Variants in VPS41 observed in about 807,000 individuals in gnomAD.
VPS41 encodes VPS41 subunit of HOPS complex.
VPS41 carries 85 observed loss-of-function variants against 130.9 expected under a neutral mutation model. The observed-to-expected ratio is 0.65, with a 90% CI of 0.55 to 0.78. The LOEUF is 0.78. Ranked by LOEUF, VPS41 falls within the 30% of genes least tolerant of loss-of-function variation. The pLI, the probability that VPS41 is intolerant of heterozygous loss-of-function variation, is 0.00. For missense variants in VPS41, 874 were observed against 1,018.7 expected, an observed-to-expected ratio of 0.86 and a Z score of 1.93; for synonymous variants, 335 against 332.9, an observed-to-expected ratio of 1.01 and a Z score of -0.07.
At chr7:38,868,252 T>C (rs1786270299) in intron 3 of VPS41, among the ~76,000 whole-genome samples, 1 of 152,220 alleles carries the variant, frequency 6.6e-6, no homozygotes, top group African/African-American at 2.4e-5. Context: ...GTCGATGGCA[T>C]TGCAGCCAAA....
chr7:38,735,918 G>A (rs933287678), intron 25 of VPS41, among the ~76,000 whole-genome samples: 3 of 152,060 alleles, frequency 2.0e-5, no homozygotes, highest in African/African-American at 7.2e-5. Flanking sequence ...GGAGGAACAG[G>A]GCAGGGGAGG....
chr7:38,885,452 A>T (rs1786704878), intron 2 of VPS41, among the ~76,000 whole-genome samples: 1 of 152,314 alleles, frequency 6.6e-6, no homozygotes, highest in African/African-American at 2.4e-5. Context: ...GAAAATGATC[A>T]CATTTCTGTA....
At chr7:38,733,604 C>T (rs983977437) in intron 25 of VPS41, among the ~76,000 whole-genome samples, 8 of 152,160 alleles carry the variant, frequency 5.3e-5, no homozygotes, top group African/African-American at 1.9e-4. Flanking sequence ...CCACTAAAAA[C>T]TTTCTCACCT....
At chr7:38,808,785 C>G (rs1784885005) in intron 7 of VPS41, among the ~76,000 whole-genome samples, 1 of 152,116 alleles carries the variant, frequency 6.6e-6, no homozygotes, top group Admixed American at 6.6e-5. Context: ...CACCAAAACC[C>G]CAGCTCCAAT....
rs1168798750 is a variant in VPS41 at position 38,842,394 on chromosome 7, A to G, written c.247-12066T>C. ...TCAGTCTTCTAAAAGCAAATTACACATGTTGCTACCCTGTTTAAAGTAAAT... is the reference window on the plus strand; with the variant it reads ...TCAGTCTTCTAAAAGCAAATTACACGTGTTGCTACCCTGTTTAAAGTAAAT... On this transcript the variant is annotated intron_variant, in intron 4 of 28. Transcript: ENST00000310301. Among the ~76,000 whole-genome samples the G allele has an allele frequency of 2.6e-5, 4 of 152,138 alleles. No individual in the cohort carries two copies. The East Asian group carries it at 5.8e-4, about 22-fold the overall frequency.
chr7:38,789,546 G>A (rs145262675), intron 10 of VPS41, among the ~76,000 whole-genome samples: 1 of 152,238 alleles, frequency 6.6e-6, no homozygotes, highest in Non-Finnish European at 1.5e-5. Flanking sequence ...ACAGATCCCC[G>A]TGATCCACTG....
chr7:38,869,006 T>G, intron 3 of VPS41, 140 bp downstream of exon 3: 1 of 609,648 alleles, frequency 1.6e-6, no homozygotes, highest in East Asian at 2.7e-5. Flanking sequence ...GGGTTTTTTG[T>G]TGGCAAGGAG....
At chr7:38,786,385 A>T (rs532589365) in intron 10 of VPS41, among the ~76,000 whole-genome samples, 15 of 152,280 alleles carry the variant, frequency 9.9e-5, no homozygotes, top group African/African-American at 3.6e-4. Flanking sequence ...TATAAGGAAC[A>T]ATATATATTT....
At chr7:38,892,563 T>A (rs924503831) in intron 2 of VPS41, among the ~76,000 whole-genome samples, 1 of 152,208 alleles carries the variant, frequency 6.6e-6, no homozygotes, top group Non-Finnish European at 1.5e-5. Flanking sequence ...TAACAAGCAG[T>A]AACTTGTAGG....
intron 2 of VPS41, among the ~76,000 whole-genome samples, chr7:38,895,307 G>C (rs758650671): frequency 2.0e-5 from 3 of 151,754 alleles, no homozygotes; most frequent in Non-Finnish European, 4.4e-5. Context: ...TGGTGACAAA[G>C]CAAGACTTTG....
chr7:38,856,062 G>T (rs764504982), intron 4 of VPS41, among the ~76,000 whole-genome samples: 19 of 152,254 alleles, frequency 1.2e-4, no homozygotes, highest in Non-Finnish European at 2.6e-4. Context: ...CGGCAGGAAG[G>T]GGGAGGAAGG....
chr7:38,821,928 T>C (rs1488612406), intron 5 of VPS41, among the ~76,000 whole-genome samples: 2 of 152,106 alleles, frequency 1.3e-5, no homozygotes, highest in Non-Finnish European at 2.9e-5. Flanking sequence ...CTAAAGGAAC[T>C]ATTTTTTCAT....
At chr7:38,881,872 C>G (rs969708110) in intron 2 of VPS41, among the ~76,000 whole-genome samples, 2 of 152,054 alleles carry the variant, frequency 1.3e-5, no homozygotes, top group African/African-American at 4.8e-5. Context: ...GGTGCCTATC[C>G]TCACGAAAGT....
At chr7:38,845,457 G>T (rs1454065609) in intron 4 of VPS41, among the ~76,000 whole-genome samples, 2 of 152,192 alleles carry the variant, frequency 1.3e-5, no homozygotes, top group African/African-American at 4.8e-5. Context: ...GTCCCGTAGG[G>T]TGAGGTGGAT....
At chr7:38,834,784 T>C (rs1315734785) in intron 4 of VPS41, among the ~76,000 whole-genome samples, 2 of 151,698 alleles carry the variant, frequency 1.3e-5, no homozygotes, top group African/African-American at 4.9e-5. Flanking sequence ...TTTTTTTTCA[T>C]TTTTTTTCCA....
At chr7:38,879,902 A>G (rs1030190674) in intron 2 of VPS41, among the ~76,000 whole-genome samples, 1 of 151,550 alleles carries the variant, frequency 6.6e-6, no homozygotes, top group Non-Finnish European at 1.5e-5. Context: ...AAAAAAAAAA[A>G]AAAGAAAGAA....
chr7:38,738,718 A>G (rs1444391669), intron 25 of VPS41, among the ~76,000 whole-genome samples: 1 of 152,216 alleles, frequency 6.6e-6, no homozygotes, highest in Non-Finnish European at 1.5e-5. Flanking sequence ...AGGCCTAGGA[A>G]CATTTAAAGC....
intron 2 of VPS41, among the ~76,000 whole-genome samples, chr7:38,885,074 T>A (rs191758214): frequency 3.3e-5 from 5 of 152,290 alleles, no homozygotes. Flanking sequence ...ATTTTATTTT[T>A]TATTTATTTA....
chr7:38,792,693 T>C (rs1784556166), intron 9 of VPS41, among the ~76,000 whole-genome samples: 1 of 152,120 alleles, frequency 6.6e-6, no homozygotes, highest in African/African-American at 2.4e-5. Context: ...AAATACAAGT[T>C]AGATCACTTA....
Sources: allele counts gnomAD v4.1 joint callset (sites outside exome capture counted in the v4.1 genomes callset), GRCh38; gene constraint gnomAD v4.1.1; transcripts MANE v1.5; gene names NCBI Gene and HGNC (gene_info 2026-07-23, HGNC 2026-07-21).